The following ARHGAP19 variants were observed in gnomAD, a reference collection of about 807,000 sequenced individuals.
ARHGAP19 encodes rho GTPase-activating protein 19.
In ARHGAP19, 48 loss-of-function variants were observed where a neutral mutation model predicts 60.9. The ratio of observed to expected loss-of-function variants is 0.79; its 90% CI spans 0.62 to 1.00. ARHGAP19 has a LOEUF of 1.00. ARHGAP19 is among the 50% of genes least tolerant of loss of function. ARHGAP19 has a pLI of 0.00. For missense variants in ARHGAP19, 562 were observed against 597.2 expected, an observed-to-expected ratio of 0.94 and a Z score of 0.61; for synonymous variants, 209 against 215.5, an observed-to-expected ratio of 0.97 and a Z score of 0.27.
Position 97,224,933 on chromosome 10 carries a change from A to G in ARHGAP19, c.*1189T>C, listed in dbSNP as rs1009596211. 1 of 152,380 alleles carries G rather than the reference A, an allele frequency of 6.6e-6. No individual in the cohort carries two copies. Among genetic ancestry groups the G allele is most frequent in the African/African-American group, 2.4e-5 (1 of 41,476 alleles). 9.4% of individuals were successfully genotyped at this position (152,380 alleles called of 1,614,324 possible). A position where few individuals can be genotyped will look rare whatever the true frequency, so the allele number is the denominator to read the frequency against. Reference sequence around the variant, plus strand: ...CCTTCTGACAAAGAGAGGGCGGAACAGTAACACTCCTTGAACATTGGTGAC... The same window carrying G: ...CCTTCTGACAAAGAGAGGGCGGAACGGTAACACTCCTTGAACATTGGTGAC... On this transcript the variant is annotated 3_prime_UTR_variant, in exon 12 of 12. Transcript: ENST00000358531.
intron 4 of ARHGAP19, among the ~76,000 whole-genome samples, chr10:97,261,855 G>T (rs1280523060): frequency 6.6e-6 from 1 of 152,148 alleles, no homozygotes; most frequent in Non-Finnish European, 1.5e-5. Flanking sequence ...TGCAATTTAA[G>T]AATGAATTCC....
intron 8 of ARHGAP19, among the ~76,000 whole-genome samples, chr10:97,242,424 C>A (rs1386971377): frequency 6.7e-6 from 1 of 149,302 alleles, no homozygotes; most frequent in Non-Finnish European, 1.5e-5. Context: ...ACCTCCACCT[C>A]CCGGGCTCAA....
chr10:97,243,715 A>C (rs955110929), intron 8 of ARHGAP19, among the ~76,000 whole-genome samples: 13 of 152,220 alleles, frequency 8.5e-5, no homozygotes, highest in African/African-American at 3.1e-4. Context: ...ATCTCTCAGC[A>C]AACTTGGGAC....
chr10:97,274,203 T>C (rs1429993567), intron 1 of ARHGAP19, among the ~76,000 whole-genome samples: 2 of 152,116 alleles, frequency 1.3e-5, no homozygotes, highest in Non-Finnish European at 2.9e-5. Context: ...CGGTGGCTCA[T>C]GCCTATAATC....
intron 4 of ARHGAP19, among the ~76,000 whole-genome samples, chr10:97,260,798 T>C (rs1842820242): frequency 6.6e-6 from 1 of 151,432 alleles, no homozygotes; most frequent in African/African-American, 2.4e-5. Context: ...CCAAGAGAAA[T>C]AAACACATAT....
chr10:97,253,877 C>T (rs570786504), intron 6 of ARHGAP19, among the ~76,000 whole-genome samples: 5 of 152,230 alleles, frequency 3.3e-5, no homozygotes, highest in African/African-American at 4.8e-5. Flanking sequence ...AAAAGAAATT[C>T]GTGCATAGTA....
Position 97,278,163 on chromosome 10 carries a change from C to T in ARHGAP19, c.57-12038G>A, listed in dbSNP as rs1424177489. The T allele has an allele frequency of 1.2e-4, 18 of 153,348 alleles. 1 individual carries two copies. The highest frequency in any genetic ancestry group is 4.8e-5 in the African/African-American group (2 of 41,460). 9.5% of individuals were successfully genotyped at this position (153,348 alleles called of 1,614,324 possible). On this transcript the variant is annotated intron_variant, in intron 1 of 11. Transcript: ENST00000358531. ...CACCTAACTCACTGAAACCAAAATA[C>T]TATCTTTCAAGATGTCCCACATGGA...
chr10:97,238,413 G>A (rs566342456), intron 8 of ARHGAP19, among the ~76,000 whole-genome samples: 5 of 152,090 alleles, frequency 3.3e-5, no homozygotes, highest in African/African-American at 1.2e-4. Context: ...GTGGATACAA[G>A]GTCAATGCTG....
At chr10:97,266,147 C>T (rs1315287314) in intron 1 of ARHGAP19, 22 bp from the exon 2 acceptor site, 1 of 1,610,760 alleles carries the variant, frequency 6.2e-7, no homozygotes, top group Admixed American at 1.7e-5. Context: ...AGAAGAAAAT[C>T]TTTCGGGACA....
chr10:97,257,224 C>G (rs1387706486), intron 5 of ARHGAP19, among the ~76,000 whole-genome samples: 2 of 151,874 alleles, frequency 1.3e-5, no homozygotes, highest in East Asian at 1.9e-4. Context: ...ACTCTACTAT[C>G]CCAAAGCCCT....
intron 7 of ARHGAP19, among the ~76,000 whole-genome samples, chr10:97,244,834 C>A (rs1195925121): frequency 2.0e-5 from 3 of 149,092 alleles, no homozygotes; most frequent in Non-Finnish European, 4.4e-5. Context: ...ATGAACAGAA[C>A]TTGAAAATTT....
chr10:97,262,501 C>A (rs557006869), intron 4 of ARHGAP19, among the ~76,000 whole-genome samples: 9 of 152,146 alleles, frequency 5.9e-5, no homozygotes, highest in Admixed American at 2.6e-4. Flanking sequence ...CCCGTCTCTA[C>A]TAAAAATACA....
intron 6 of ARHGAP19, among the ~76,000 whole-genome samples, chr10:97,251,370 GGGGAATGGAAGGGAAGGGGAA>G (rs1842654588): frequency 1.0e-4 from 2 of 19,676 alleles, no homozygotes; most frequent in Non-Finnish European, 2.2e-4. Flanking sequence ...GGGAAAGGAA[GGGGAATGGAAGGGAAGGGGAA>G]GGGAAGGGGA....
chr10:97,254,532 C>G (rs770599362), intron 6 of ARHGAP19, among the ~76,000 whole-genome samples: 6 of 152,130 alleles, frequency 3.9e-5, no homozygotes, highest in Non-Finnish European at 7.4e-5. Flanking sequence ...CAAAACTTAA[C>G]TCAAAATGGG....
intron 1 of ARHGAP19, among the ~76,000 whole-genome samples, chr10:97,282,988 G>A (rs1339044291): frequency 6.6e-5 from 10 of 151,496 alleles, no homozygotes; most frequent in South Asian, 2.1e-4. Context: ...GATTACAGGC[G>A]TCTGCCACCA....
intron 6 of ARHGAP19, among the ~76,000 whole-genome samples, chr10:97,255,032 G>C (rs754431559): frequency 3.5e-4 from 54 of 152,152 alleles, no homozygotes; most frequent in Non-Finnish European, 1.3e-4. Flanking sequence ...CATAGAGATG[G>C]AAGGTAGAAT....
chr10:97,236,281 C>G (rs929621209), intron 8 of ARHGAP19, among the ~76,000 whole-genome samples: 4 of 152,136 alleles, frequency 2.6e-5, no homozygotes, highest in African/African-American at 4.8e-5. Context: ...CCAGCCTCTT[C>G]TGCCTTTTCT....
At chr10:97,251,109 G>C (rs1842639431) in intron 6 of ARHGAP19, among the ~76,000 whole-genome samples, 1 of 137,488 alleles carries the variant, frequency 7.3e-6, no homozygotes, top group Non-Finnish European at 1.6e-5. Flanking sequence ...AAAAGGAAGG[G>C]GAAGGGGAAG....
chr10:97,229,980 G>T, intron 9 of ARHGAP19, 106 bp from the exon 10 acceptor site: 1 of 823,202 alleles, frequency 1.2e-6, no homozygotes, highest in Non-Finnish European at 1.9e-6. Flanking sequence ...AAAAATCTCA[G>T]CATTCTGATA....
Sources: gnomAD v4.1 joint callset for allele counts (sites outside exome capture counted in the v4.1 genomes callset) on GRCh38, gnomAD v4.1.1 for gene constraint, MANE v1.5 for transcripts, NCBI Gene and HGNC (gene_info 2026-07-23, HGNC 2026-07-21) for gene names.